AKAP6: variants seen among roughly 807,000 people sequenced by gnomAD.
AKAP6 encodes A-kinase anchoring protein 6.
In AKAP6, 58 loss-of-function variants were observed where a neutral mutation model predicts 188.5. The observed-to-expected ratio is 0.31, with a 90% CI of 0.25 to 0.38. AKAP6 has a LOEUF of 0.38. Among genes scored for constraint, AKAP6 ranks in the 10% least tolerant of loss-of-function variants. AKAP6 has a pLI of 1.00. For missense variants in AKAP6, 2,710 were observed against 2,740.0 expected (o/e 0.99, Z 0.24); for synonymous variants, 989 against 998.6 (o/e 0.99, Z 0.18).
At chr14:32,670,380 T>C (rs1240890525) in intron 7 of AKAP6, among the ~76,000 whole-genome samples, 1 of 152,108 alleles carries the variant, frequency 6.6e-6, no homozygotes, top group Non-Finnish European at 1.5e-5. Context: ...ATGAGGGTCT[T>C]GAGACCTGAA....
intron 12 of AKAP6, among the ~76,000 whole-genome samples, chr14:32,789,081 A>G (rs1403069456): frequency 6.6e-6 from 1 of 152,080 alleles, no homozygotes; most frequent in Non-Finnish European, 1.5e-5. Context: ...GTCCTCCACA[A>G]TGCAGCACGG....
intron 3 of AKAP6, among the ~76,000 whole-genome samples, chr14:32,540,131 G>GCTCT (rs1216788649): frequency 0.017 from 1,119 of 66,304 alleles, 23 homozygotes; most frequent in Middle Eastern, 0.057. Context: ...TTGCTCGTGC[G>GCTCT]CTCTCTCTCT....
intron 11 of AKAP6, among the ~76,000 whole-genome samples, chr14:32,749,424 G>GA (rs1205494194): frequency 6.6e-6 from 1 of 152,124 alleles, no homozygotes; most frequent in Non-Finnish European, 1.5e-5. Flanking sequence ...ACTGCAAAAG[G>GA]AAAGAAGCAT....
chr14:32,582,704 C>T (rs1480512664), intron 5 of AKAP6, among the ~76,000 whole-genome samples: 1 of 152,100 alleles, frequency 6.6e-6, no homozygotes, highest in Admixed American at 6.5e-5. Flanking sequence ...ATTCTTTTTT[C>T]TCTAAACTTC....
chr14:32,458,796 A>C (rs1891225604), intron 2 of AKAP6, among the ~76,000 whole-genome samples: 1 of 152,152 alleles, frequency 6.6e-6, no homozygotes, highest in Admixed American at 6.5e-5. Context: ...AAGAGAAGGA[A>C]GATTTTAACA....
intron 1 of AKAP6, among the ~76,000 whole-genome samples, chr14:32,380,908 GTGT>G (rs1475908438): frequency 6.6e-6 from 1 of 151,436 alleles, no homozygotes; most frequent in African/African-American, 2.4e-5. Flanking sequence ...TTTTTCCTTA[GTGT>G]TTTTAGCAGG....
At chr14:32,347,237 T>A (rs1458767838) in intron 1 of AKAP6, among the ~76,000 whole-genome samples, 1 of 152,236 alleles carries the variant, frequency 6.6e-6, no homozygotes, top group East Asian at 1.9e-4. Flanking sequence ...GGGTACAAAG[T>A]TGAGGCATCA....
At chr14:32,620,656 T>TA (rs1446815545) in intron 7 of AKAP6, among the ~76,000 whole-genome samples, 2 of 152,192 alleles carry the variant, frequency 1.3e-5, no homozygotes, top group East Asian at 3.9e-4. Flanking sequence ...CTGGCTTTGG[T>TA]ATTAGGGTAA....
intron 1 of AKAP6, among the ~76,000 whole-genome samples, chr14:32,348,890 G>A (rs1887165775): frequency 6.6e-6 from 1 of 152,128 alleles, no homozygotes; most frequent in Non-Finnish European, 1.5e-5. Flanking sequence ...TGTGTGCTGA[G>A]GCCAGCCTGT....
intron 11 of AKAP6, among the ~76,000 whole-genome samples, chr14:32,769,143 G>A (rs1416587459): frequency 7.2e-6 from 1 of 138,808 alleles, no homozygotes; most frequent in Non-Finnish European, 1.5e-5. Context: ...CACCTCCTGG[G>A]CTCAAGCCAT....
At chr14:32,629,926 A>AT (rs1406615264) in intron 7 of AKAP6, among the ~76,000 whole-genome samples, 1 of 152,120 alleles carries the variant, frequency 6.6e-6, no homozygotes, top group Non-Finnish European at 1.5e-5. Flanking sequence ...TTTTTAAAAA[A>AT]GAATGATAAT....
chr14:32,342,204 C>G (rs1886911728), intron 1 of AKAP6, among the ~76,000 whole-genome samples: 1 of 152,160 alleles, frequency 6.6e-6, no homozygotes, highest in Admixed American at 6.5e-5. Context: ...CAGATTCAGA[C>G]TTGTATTTCT....
rs143454010 is a variant in AKAP6 at position 32,693,061 on chromosome 14, G to T, written c.2880-2929G>T. The stretch of plus-strand genomic sequence containing the variant: ...CTCCAAGATGACATCTGAGCATATA[G>T]GGATTTACATGATCTTGTAATTCTG... On this transcript the variant is annotated intron_variant, in intron 8 of 13. Coordinates refer to ENST00000280979, the MANE Select transcript of AKAP6 (RefSeq NM_004274.5). 6.6e-3 allele frequency among the ~76,000 whole-genome samples: 1,002 copies of T among 152,216 alleles called. 6 individuals carry two copies. Among genetic ancestry groups the T allele is most frequent in the Non-Finnish European group, 0.011 (755 of 68,008 alleles).
chr14:32,653,293 G>A (rs1355018553), intron 7 of AKAP6, among the ~76,000 whole-genome samples: 3 of 152,038 alleles, frequency 2.0e-5, no homozygotes, highest in Non-Finnish European at 4.4e-5. Flanking sequence ...TGTCAGATTT[G>A]AACTCCACCC....
intron 2 of AKAP6, among the ~76,000 whole-genome samples, chr14:32,516,933 G>A (rs1881552800): frequency 6.6e-6 from 1 of 152,120 alleles, no homozygotes; most frequent in South Asian, 2.1e-4. Context: ...CATACAAGAT[G>A]AGCAAAGAAG....
chr14:32,700,406 G>A (rs1014177001), intron 9 of AKAP6, among the ~76,000 whole-genome samples: 1 of 152,136 alleles, frequency 6.6e-6, no homozygotes, highest in African/African-American at 2.4e-5. Flanking sequence ...AGAGTTTTCA[G>A]ATAGTATGAA....
chr14:32,530,616 C>G (rs1882368245), intron 2 of AKAP6, among the ~76,000 whole-genome samples: 1 of 152,074 alleles, frequency 6.6e-6, no homozygotes, highest in Non-Finnish European at 1.5e-5. Flanking sequence ...GATGAGGCAG[C>G]AAAGAGATCG....
At chr14:32,775,364 T>C (rs1336347003) in intron 12 of AKAP6, among the ~76,000 whole-genome samples, 1 of 152,100 alleles carries the variant, frequency 6.6e-6, no homozygotes, top group African/African-American at 2.4e-5. Context: ...TCTTTGAGGA[T>C]TTATTTGAAA....
chr14:32,644,716 TTCTC>T (rs774413167), intron 7 of AKAP6, among the ~76,000 whole-genome samples: 29 of 152,246 alleles, frequency 1.9e-4, no homozygotes, highest in Non-Finnish European at 3.7e-4. Context: ...CTTTTCTCTA[TTCTC>T]TCTCCTCACC....
Sources: allele counts gnomAD v4.1 joint callset (sites outside exome capture counted in the v4.1 genomes callset), GRCh38; gene constraint gnomAD v4.1.1; transcripts MANE v1.5; gene names NCBI Gene and HGNC (gene_info 2026-07-23, HGNC 2026-07-21).